The following FGGY variants were observed in gnomAD, a reference collection of about 807,000 sequenced individuals.
FGGY encodes FGGY carbohydrate kinase domain-containing protein.
Under a neutral mutation model 71.3 loss-of-function variants are expected in FGGY, and 72 were observed. The ratio of observed to expected loss-of-function variants is 1.01; its 90% CI spans 0.84 to 1.23. The LOEUF is 1.23. Among genes scored for constraint, FGGY ranks in the 50% most tolerant of loss-of-function variants. The pLI is 0.00. For missense variants in FGGY, 668 were observed against 682.3 expected (o/e 0.98, Z 0.23); for synonymous variants, 251 against 250.3 (o/e 1.00, Z -0.02).
chr1:59,507,986 A>G (rs72666218), intron 6 of FGGY, among the ~76,000 whole-genome samples: 7,756 of 151,802 alleles, frequency 0.051, 250 homozygotes, highest in East Asian at 0.13. Flanking sequence ...TTTGCGACAT[A>G]CTAAATGCCT....
chr1:59,437,047 C>T (rs970095283), intron 5 of FGGY, among the ~76,000 whole-genome samples: 3 of 152,188 alleles, frequency 2.0e-5, no homozygotes, highest in African/African-American at 4.8e-5. Context: ...AGGATCCAGA[C>T]CCTAGGATGT....
chr1:59,366,422 GAAGCCTTTAGAA>G (rs553104988), intron 4 of FGGY, among the ~76,000 whole-genome samples: 133 of 152,000 alleles, frequency 8.8e-4, no homozygotes, highest in East Asian at 2.1e-3. Flanking sequence ...TCTCTCCCCG[GAAGCCTTTAGAA>G]AAGCCTTTAG....
chr1:59,300,066 A>T lies in FGGY; in HGVS notation c.-15+2916A>T, dbSNP rs377694186. Among the ~76,000 whole-genome samples the T allele has an allele frequency of 4.5e-4, 68 of 152,346 alleles. 3 individuals carry two copies. In the South Asian group the frequency reaches 0.014, roughly 31 times the overall value. On this transcript the variant is annotated intron_variant, in intron 1 of 15. Coordinates refer to ENST00000303721, the MANE Select transcript of FGGY (RefSeq NM_018291.5). ...AATTAATTACTGACTGAATGTAGGG[A>T]TAAGAAGGAATGTAGTCATCAGTAG...
chr1:59,386,908 C>T (rs1450259140), intron 5 of FGGY, among the ~76,000 whole-genome samples: 1 of 152,054 alleles, frequency 6.6e-6, no homozygotes, highest in Non-Finnish European at 1.5e-5. Flanking sequence ...TCTACTTACT[C>T]ATTTTACTTT....
At chr1:59,383,392 T>C (rs2059707512) in intron 5 of FGGY, among the ~76,000 whole-genome samples, 1 of 152,140 alleles carries the variant, frequency 6.6e-6, no homozygotes, top group Non-Finnish European at 1.5e-5. Flanking sequence ...AAAGGCCTAA[T>C]GAATTTTTTG....
chr1:59,628,553 A>C (rs992277704), intron 10 of FGGY, among the ~76,000 whole-genome samples: 1 of 152,188 alleles, frequency 6.6e-6, no homozygotes, highest in Non-Finnish European at 1.5e-5. Context: ...TAGTATTGTT[A>C]TTTATGGCAA....
intron 6 of FGGY, among the ~76,000 whole-genome samples, chr1:59,498,773 T>C (rs1051520375): frequency 1.3e-5 from 2 of 152,224 alleles, no homozygotes; most frequent in Non-Finnish European, 2.9e-5. Flanking sequence ...AGTTATGTCA[T>C]GTTTTGAATC....
intron 8 of FGGY, among the ~76,000 whole-genome samples, chr1:59,585,916 C>T (rs192046381): frequency 1.3e-5 from 2 of 152,186 alleles, no homozygotes; most frequent in African/African-American, 4.8e-5. Flanking sequence ...TGAAAAAATG[C>T]TCATCATCAC....
At chr1:59,485,113 AATAGG>A (rs889193177) in intron 6 of FGGY, among the ~76,000 whole-genome samples, 2 of 152,202 alleles carry the variant, frequency 1.3e-5, no homozygotes, top group African/African-American at 4.8e-5. Context: ...CTTTGAATAA[AATAGG>A]ATAGGACTGG....
At chr1:59,305,305 T>C (rs749098360) in intron 1 of FGGY, among the ~76,000 whole-genome samples, 31 of 152,204 alleles carry the variant, frequency 2.0e-4, no homozygotes, top group Non-Finnish European at 4.1e-4. Flanking sequence ...GCAGAATCTA[T>C]TGAGATGATA....
Position 59,496,701 on chromosome 1 carries a change from T to C in FGGY, c.671-15610T>C, listed in dbSNP as rs74830420. 5.0e-3 allele frequency among the ~76,000 whole-genome samples: 761 copies of C among 151,920 alleles called. 6 individuals carry two copies. Among genetic ancestry groups the C allele is most frequent in the African/African-American group, 0.017 (715 of 41,432 alleles). Reference sequence around the variant, plus strand: ...AAATAAAAGTTAAAAAAAAATAAAATAGATGAACAAATAAATAAATAAAAT... The same window carrying C: ...AAATAAAAGTTAAAAAAAAATAAAACAGATGAACAAATAAATAAATAAAAT... On this transcript the variant is annotated intron_variant, in intron 6 of 15. Coordinates refer to ENST00000303721, the MANE Select transcript of FGGY (RefSeq NM_018291.5).
At chr1:59,719,749 C>T (rs1220145773) in intron 14 of FGGY, among the ~76,000 whole-genome samples, 1 of 152,098 alleles carries the variant, frequency 6.6e-6, no homozygotes, top group Non-Finnish European at 1.5e-5. Flanking sequence ...CTGTTCTAGG[C>T]ATTTTAGGAA....
At position 59,572,605 on chromosome 1, in the gene FGGY, C is replaced by T. The variant is rs148068046; in HGVS notation, c.903+18378C>T. Among the ~76,000 whole-genome samples the T allele has an allele frequency of 5.5e-4, 83 of 152,218 alleles. No individual in the cohort carries two copies. The East Asian group carries it at 0.014, about 25-fold the overall frequency. ...AGGATACTAGGAAACCAGAAGAAGACTGGGAGTCTGTGTGAGAGATGATAT... is the reference window on the plus strand; with the variant it reads ...AGGATACTAGGAAACCAGAAGAAGATTGGGAGTCTGTGTGAGAGATGATAT... On this transcript the variant is annotated intron_variant, in intron 8 of 15. Transcript: ENST00000303721.
At chr1:59,375,265 G>GA (rs1289366742) in intron 4 of FGGY, among the ~76,000 whole-genome samples, 29,776 of 100,444 alleles carry the variant, frequency 0.3, 3,337 homozygotes, top group East Asian at 0.42. Flanking sequence ...TCTCAAAAAA[G>GA]AAAAAAAAAA....
intron 7 of FGGY, chr1:59,553,824 G>A (rs1319002675): frequency 4.0e-6 from 1 of 249,476 alleles, no homozygotes; most frequent in East Asian, 7.5e-5. Context: ...CTGGTATTTA[G>A]TGAGCAGAAA....
intron 6 of FGGY, among the ~76,000 whole-genome samples, chr1:59,488,570 A>G (rs1201420452): frequency 3.4e-5 from 5 of 148,486 alleles, no homozygotes; most frequent in East Asian, 1.9e-4. Context: ...ATATGTATCT[A>G]TAATAAAATT....
intron 7 of FGGY, among the ~76,000 whole-genome samples, chr1:59,524,162 A>G (rs1271530068): frequency 6.6e-6 from 1 of 152,210 alleles, no homozygotes; most frequent in African/African-American, 2.4e-5. Context: ...GTTGTGGCTG[A>G]GCCCAGTGCT....
chr1:59,720,283 G>A (rs935256171), intron 14 of FGGY, among the ~76,000 whole-genome samples: 1 of 152,180 alleles, frequency 6.6e-6, no homozygotes, highest in Non-Finnish European at 1.5e-5. Context: ...CTTGCTTTCG[G>A]ATTCATGCCT....
At chr1:59,554,532 C>T (rs889600855) in intron 8 of FGGY, among the ~76,000 whole-genome samples, 4 of 152,144 alleles carry the variant, frequency 2.6e-5, no homozygotes, top group Non-Finnish European at 5.9e-5. Context: ...CAAAGTCTAG[C>T]TCCCCCAGAC....
Sources: allele counts gnomAD v4.1 joint callset (sites outside exome capture counted in the v4.1 genomes callset), GRCh38; gene constraint gnomAD v4.1.1; transcripts MANE v1.5; gene names NCBI Gene and HGNC (gene_info 2026-07-23, HGNC 2026-07-21).